ERC2: variants seen among roughly 807,000 people sequenced by gnomAD.
ERC2 encodes ELKS/RAB6-interacting/CAST family member 2, also known as ERC protein 2.
In ERC2, 42 loss-of-function variants were observed where a neutral mutation model predicts 114.8. The ratio of observed to expected loss-of-function variants is 0.37; its 90% CI spans 0.29 to 0.47. ERC2 has a LOEUF of 0.47. Among genes scored for constraint, ERC2 ranks in the 20% least tolerant of loss-of-function variants. The probability of loss-of-function intolerance (pLI) is 0.99; values close to 1 mark genes in which losing one functional copy is unlikely to be tolerated. For missense variants in ERC2, 939 were observed against 1,150.7 expected (o/e 0.82, Z 2.66); for synonymous variants, 454 against 425.5 (o/e 1.07, Z -0.82).
intron 2 of ERC2, among the ~76,000 whole-genome samples, chr3:56,425,175 C>T (rs549250965): frequency 6.6e-6 from 1 of 152,222 alleles, no homozygotes; most frequent in South Asian, 2.1e-4. Context: ...ATCACAGAAA[C>T]CTCTTCTCAC....
chr3:56,397,462 C>A (rs1385089047), intron 2 of ERC2, among the ~76,000 whole-genome samples: 2 of 152,146 alleles, frequency 1.3e-5, no homozygotes, highest in African/African-American at 4.8e-5. Context: ...ATTCCTGTGG[C>A]CCCTTTTCCT....
intron 2 of ERC2, among the ~76,000 whole-genome samples, chr3:56,325,862 T>G (rs2057339023): frequency 6.6e-6 from 1 of 152,186 alleles, no homozygotes; most frequent in African/African-American, 2.4e-5. Context: ...AGCAAAGATT[T>G]CAGTCTGGCT....
At chr3:56,013,718 G>A (rs1048169095) in intron 8 of ERC2, among the ~76,000 whole-genome samples, 23 of 152,152 alleles carry the variant, frequency 1.5e-4, no homozygotes, top group African/African-American at 4.6e-4. Flanking sequence ...TAAAATGGAA[G>A]AGCATAGATT....
chr3:55,921,391 C>A (rs1233768858), intron 13 of ERC2, among the ~76,000 whole-genome samples: 1 of 152,120 alleles, frequency 6.6e-6, no homozygotes, highest in East Asian at 1.9e-4. Flanking sequence ...TCTCACTGAA[C>A]TCCTCATTCA....
chr3:56,295,985 T>C (rs1393727557), intron 3 of ERC2, 34 bp downstream of exon 3: 1 of 1,519,542 alleles, frequency 6.6e-7, no homozygotes, highest in Non-Finnish European at 8.8e-7. Context: ...ACTTATAAAT[T>C]AAGGCTTTGG....
intron 3 of ERC2, among the ~76,000 whole-genome samples, chr3:56,213,902 G>A (rs1202041056): frequency 2.6e-5 from 4 of 152,192 alleles, no homozygotes; most frequent in East Asian, 1.9e-4. Context: ...GGGGTCTAGA[G>A]TGGACCTCCA....
intron 16 of ERC2, 146 bp downstream of exon 16, chr3:55,699,232 G>T: frequency 9.7e-7 from 1 of 1,031,962 alleles, no homozygotes; most frequent in Non-Finnish European, 1.4e-6. Context: ...TTCCTTGACT[G>T]ATGGAAATAA....
chr3:55,764,133 G>T (rs566151193), intron 14 of ERC2, among the ~76,000 whole-genome samples: 2 of 152,206 alleles, frequency 1.3e-5, no homozygotes, highest in South Asian at 2.1e-4. Flanking sequence ...ATACAGCCTG[G>T]GGTGCACTGT....
At chr3:55,963,114 C>A (rs1177792813) in intron 12 of ERC2, among the ~76,000 whole-genome samples, 2 of 152,230 alleles carry the variant, frequency 1.3e-5, no homozygotes, top group African/African-American at 4.8e-5. Flanking sequence ...AGGGCAGCAA[C>A]AGTTATTGAA....
In ERC2 at chr3:56,018,905, G is replaced by T; in HGVS notation, c.1768C>A (p.Leu590Met). Reference protein sequence around the residue: ...DTALATLEEALSEKERIIERL... With the variant: ...DTALATLEEAMSEKERIIERL... ...GAGTGCATGCTCACCTTCTCTGACA[G>T]AGCTTCCTCTAGCGTCGCCAGTGCA... The change falls in exon 8 of 18, where the codon CTG (leucine) becomes ATG (methionine). Residue 590 changes from leucine to methionine, a missense_variant. Around this residue, in one of 5 missense-constraint regions of ERC2, gnomAD observed 149 missense variants for 254.6 expected, o/e 0.59. Transcript: ENST00000288221. 6.2e-7 allele frequency: 1 copy of T among 1,611,598 alleles called. No individual in the cohort carries two copies. The highest frequency in any genetic ancestry group is 8.5e-7 in the Non-Finnish European group (1 of 1,179,002).
At chr3:55,615,487 A>G (rs2059085914) in intron 17 of ERC2, among the ~76,000 whole-genome samples, 1 of 152,108 alleles carries the variant, frequency 6.6e-6, no homozygotes. Flanking sequence ...ATCCAGGGAG[A>G]GCAAATGGGA....
At chr3:56,293,072 G>A (rs374248752) in intron 3 of ERC2, among the ~76,000 whole-genome samples, 6 of 152,232 alleles carry the variant, frequency 3.9e-5, no homozygotes, top group Middle Eastern at 3.4e-3. Flanking sequence ...TTCATCCAAC[G>A]AAGGAATGAA....
intron 3 of ERC2, among the ~76,000 whole-genome samples, chr3:56,212,574 T>A (rs554238232): frequency 1.3e-5 from 2 of 152,186 alleles, no homozygotes; most frequent in Non-Finnish European, 2.9e-5. Context: ...AAAGTAAATC[T>A]ACCATTTGAT....
At chr3:55,621,158 C>CCCG (rs1384252070) in intron 17 of ERC2, among the ~76,000 whole-genome samples, 2 of 152,124 alleles carry the variant, frequency 1.3e-5, no homozygotes, top group African/African-American at 4.8e-5. Context: ...CTAACTGCCC[C>CCCG]CCCTCCAGCC....
chr3:56,263,884 A>G (rs545815347), intron 3 of ERC2, among the ~76,000 whole-genome samples: 1 of 152,186 alleles, frequency 6.6e-6, no homozygotes, highest in Non-Finnish European at 1.5e-5. Flanking sequence ...ATCTCTGATA[A>G]ACATAGAAGC....
At chr3:56,424,260 T>C (rs890966553) in intron 2 of ERC2, among the ~76,000 whole-genome samples, 2 of 152,108 alleles carry the variant, frequency 1.3e-5, no homozygotes, top group East Asian at 1.9e-4. Context: ...AATCTATTCA[T>C]TGAAATACCC....
chr3:56,301,295 ATTTTCATTTTCTTTTAAT>A (rs1274440155), intron 2 of ERC2, among the ~76,000 whole-genome samples: 4 of 152,030 alleles, frequency 2.6e-5, no homozygotes, highest in African/African-American at 4.8e-5. Flanking sequence ...TCATGTTTAT[ATTTTCATTTTCTTTTAAT>A]TTTTCATTTT....
intron 1 of ERC2, among the ~76,000 whole-genome samples, chr3:56,454,708 G>A (rs750549899): frequency 2.2e-4 from 34 of 151,794 alleles, no homozygotes; most frequent in Middle Eastern, 3.4e-3. Context: ...AAAATTAGCC[G>A]GGCATGTTGG....
intron 14 of ERC2, among the ~76,000 whole-genome samples, chr3:55,763,527 C>A (rs1362149940): frequency 1.3e-5 from 2 of 152,132 alleles, no homozygotes; most frequent in Non-Finnish European, 2.9e-5. Flanking sequence ...CAACTGGTGA[C>A]CCTGAGCTTC....
Sources: gnomAD v4.1 joint callset for allele counts (sites outside exome capture counted in the v4.1 genomes callset) on GRCh38, gnomAD v4.1.1 for gene constraint, gnomAD v4.1.1 regional missense constraint, MANE v1.5 for transcripts, NCBI Gene and HGNC (gene_info 2026-07-23, HGNC 2026-07-21) for gene names.